SDR42E2: variants seen among roughly 807,000 people sequenced by gnomAD.
The protein encoded by SDR42E2 is putative short-chain dehydrogenase/reductase family 42E member 2.
A neutral mutation model predicts 10.5 loss-of-function variants in SDR42E2; 20 were observed. That is an observed-to-expected ratio of 1.90 (90% CI 1.34 to 2.77). The LOEUF is 2.77. SDR42E2 is among the 30% of genes most tolerant of loss of function. SDR42E2 has a pLI of 0.00. For missense variants in SDR42E2, 162 were observed against 104.2 expected (o/e 1.55, Z -2.42); for synonymous variants, 72 against 39.2 (o/e 1.84, Z -3.12).
chr16:22,191,219 G>A lies in SDR42E2; in HGVS notation c.*826G>A. On this transcript the variant is annotated 3_prime_UTR_variant, in exon 13 of 13. Coordinates refer to ENST00000602312, the MANE Select transcript of SDR42E2 (RefSeq NM_001394319.2). ...CCAGATTCTCCCTCATTCTGGTTTCGCCCCCTTTCTGGTCCTCCCCGCGCG... is the reference window on the plus strand; with the variant it reads ...CCAGATTCTCCCTCATTCTGGTTTCACCCCCTTTCTGGTCCTCCCCGCGCG... 1 of 149,160 alleles carries A rather than the reference G, an allele frequency of 6.7e-6. No individual in the cohort carries two copies. Among genetic ancestry groups the A allele is most frequent in the East Asian group, 2.0e-4 (1 of 5,042 alleles). 9.2% of individuals were successfully genotyped at this position (149,160 alleles called of 1,614,324 possible).
intron 11 of SDR42E2, among the ~76,000 whole-genome samples, chr16:22,185,765 C>G (rs1426026204): frequency 6.6e-6 from 1 of 152,066 alleles, no homozygotes; most frequent in African/African-American, 2.4e-5. Flanking sequence ...TACCACCAGG[C>G]CCAGCTAATT....
intron 7 of SDR42E2, among the ~76,000 whole-genome samples, chr16:22,177,788 T>C (rs2046657258): frequency 6.6e-6 from 1 of 152,082 alleles, no homozygotes; most frequent in African/African-American, 2.4e-5. Context: ...TGCCGAGTGC[T>C]TGGTAAACAG....
intron 11 of SDR42E2, among the ~76,000 whole-genome samples, chr16:22,185,845 G>A (rs753936980): frequency 1.3e-4 from 19 of 151,966 alleles, no homozygotes; most frequent in Non-Finnish European, 1.8e-4. Flanking sequence ...GGCCTGAAGC[G>A]ATCCTCCCAC....
intron 8 of SDR42E2, among the ~76,000 whole-genome samples, chr16:22,179,283 C>A (rs2046672639): frequency 6.6e-6 from 1 of 152,078 alleles, no homozygotes; most frequent in South Asian, 2.1e-4. Flanking sequence ...ACTACTGGAC[C>A]CAGCAATCAT....
Position 22,179,547 on chromosome 16 carries a change from C to T in SDR42E2, c.672+1335C>T, listed in dbSNP as rs760436025. On this transcript the variant is annotated intron_variant, in intron 8 of 12. Transcript: ENST00000602312. ...TATGTTCAGGCCAAGTGCGGTGGCT[C>T]ATGCCTGTAATCCCAGCACTTTGGG... Among the ~76,000 whole-genome samples the T allele has an allele frequency of 2.1e-4, 32 of 152,096 alleles. 1 individual carries two copies. Among genetic ancestry groups the T allele is most frequent in the Non-Finnish European group, 4.0e-4 (27 of 68,016 alleles).
intron 7 of SDR42E2, among the ~76,000 whole-genome samples, chr16:22,174,901 A>T (rs1020778448): frequency 2.0e-5 from 3 of 152,130 alleles, no homozygotes; most frequent in Admixed American, 6.6e-5. Flanking sequence ...CAAGCTGTTT[A>T]CAGGAAATCT....
intron 4 of SDR42E2, 87 bp from the exon 5 acceptor site, chr16:22,169,358 G>A (rs950644094): frequency 4.3e-6 from 3 of 699,704 alleles, no homozygotes; most frequent in African/African-American, 3.5e-5. Flanking sequence ...CTGCTGCCCT[G>A]TCCCACCTGA....
chr16:22,170,270 C>A lies in SDR42E2; in HGVS notation c.395-563C>A, dbSNP rs1598132065. On this transcript the variant is annotated intron_variant, in intron 5 of 12. Transcript: ENST00000602312. ...TCGGGAGGCTGAGGCAGGAGAATCGCTTGAACCTGGGAGGGGGAAGTTGTG... is the reference window on the plus strand; with the variant it reads ...TCGGGAGGCTGAGGCAGGAGAATCGATTGAACCTGGGAGGGGGAAGTTGTG... 1.3e-5 allele frequency among the ~76,000 whole-genome samples: 2 copies of A among 152,078 alleles called. 1 individual carries two copies. The highest frequency in any genetic ancestry group is 4.1e-4 in the South Asian group (2 of 4,836).
chr16:22,178,012 G>A (rs1171054601), intron 7 of SDR42E2, 118 bp from the exon 8 acceptor site: 1 of 592,332 alleles, frequency 1.7e-6, no homozygotes, highest in African/African-American at 1.9e-5. Context: ...AAGCCCCTGG[G>A]CCGGTCTTCC....
At chr16:22,171,614 C>T (rs1320176265) in intron 6 of SDR42E2, among the ~76,000 whole-genome samples, 1 of 152,068 alleles carries the variant, frequency 6.6e-6, no homozygotes, top group African/African-American at 2.4e-5. Flanking sequence ...CTCACTGCAA[C>T]CTCTGCCTCC....
intron 8 of SDR42E2, among the ~76,000 whole-genome samples, chr16:22,178,941 T>C (rs2046669008): frequency 6.6e-6 from 1 of 152,032 alleles, no homozygotes; most frequent in Admixed American, 6.6e-5. Context: ...GAGCTAGAGT[T>C]ATTGGCGGGG....
chr16:22,181,014 G>C (rs1046754587), intron 8 of SDR42E2, among the ~76,000 whole-genome samples: 1 of 152,098 alleles, frequency 6.6e-6, no homozygotes, highest in Admixed American at 6.6e-5. Flanking sequence ...TCAAAAAAAA[G>C]AAACAATCAA....
At chr16:22,171,018 A>G in intron 6 of SDR42E2, 67 bp downstream of exon 6, 4 of 699,136 alleles carry the variant, frequency 5.7e-6, no homozygotes, top group Non-Finnish European at 1.0e-5. Context: ...GAGGGGAGGG[A>G]TGGGTGGAAG....
chr16:22,172,414 C>A, intron 7 of SDR42E2, 83 bp downstream of exon 7: 2 of 698,718 alleles, frequency 2.9e-6, no homozygotes, highest in Non-Finnish European at 5.2e-6. Flanking sequence ...TTCATGCTAA[C>A]ATGTGTCTGA....
chr16:22,177,322 C>A (rs1424712884), intron 7 of SDR42E2, among the ~76,000 whole-genome samples: 1 of 151,978 alleles, frequency 6.6e-6, no homozygotes, highest in East Asian at 1.9e-4. Flanking sequence ...TATCCAACTG[C>A]TGATTAGAAA....
chr16:22,189,882 T>C (rs1411403813), intron 12 of SDR42E2, among the ~76,000 whole-genome samples: 2 of 152,010 alleles, frequency 1.3e-5, no homozygotes, highest in Non-Finnish European at 2.9e-5. Context: ...AGGAGTTAAA[T>C]AGGGTGCGAA....
rs538011990 is a variant in SDR42E2 at position 22,176,158 on chromosome 16, G to A, written c.590-1972G>A. 6.6e-5 allele frequency among the ~76,000 whole-genome samples: 10 copies of A among 151,904 alleles called. No homozygotes were observed. In the East Asian group the frequency reaches 7.7e-4, roughly 12 times the overall value. ...CTTTGGGACAGGGTCTCGCTCTGTCGCCCAGGCTGAAGTGTAGTGGCGCTA... is the reference window on the plus strand; with the variant it reads ...CTTTGGGACAGGGTCTCGCTCTGTCACCCAGGCTGAAGTGTAGTGGCGCTA... On this transcript the variant is annotated intron_variant, in intron 7 of 12. Transcript: ENST00000602312.
chr16:22,169,332 C>T, intron 4 of SDR42E2, 113 bp from the exon 5 acceptor site: 1 of 682,838 alleles, frequency 1.5e-6, no homozygotes, highest in Non-Finnish European at 2.7e-6. Flanking sequence ...GGATCCCTGC[C>T]TCTGAACTGA....
At chr16:22,167,290 G>A (rs1215713434) in intron 4 of SDR42E2, among the ~76,000 whole-genome samples, 1 of 139,544 alleles carries the variant, frequency 7.2e-6, no homozygotes, top group African/African-American at 2.7e-5. Context: ...GGTTCAAGTG[G>A]TTCTTCTGCC....
Sources: gnomAD v4.1 joint callset for allele counts (sites outside exome capture counted in the v4.1 genomes callset) on GRCh38, gnomAD v4.1.1 for gene constraint, MANE v1.5 for transcripts, NCBI Gene and HGNC (gene_info 2026-07-23, HGNC 2026-07-21) for gene names.